Variants in PRELID2 observed in about 807,000 individuals in gnomAD.
The protein encoded by PRELID2 is PRELI domain containing 2.
Under a neutral mutation model 28.4 loss-of-function variants are expected in PRELID2, and 25 were observed. That is an observed-to-expected ratio of 0.88 (90% CI 0.64 to 1.23). The LOEUF is 1.23. PRELID2 is among the 50% of genes most tolerant of loss of function. The pLI is 0.00. For synonymous variants in PRELID2, 76 were observed against 71.6 expected (o/e 1.06, Z -0.31); for missense variants, 201 against 214.4 (o/e 0.94, Z 0.39).
chr5:145,818,626 A>G (rs1308920107), intron 3 of PRELID2, among the ~76,000 whole-genome samples: 1 of 152,210 alleles, frequency 6.6e-6, no homozygotes, highest in Non-Finnish European at 1.5e-5. Context: ...GGCAGGGTAC[A>G]CACTCTGGAA....
the PRELID2 span, among the ~76,000 whole-genome samples, chr5:145,371,436 C>T: frequency 6.6e-6 from 1 of 152,108 alleles, no homozygotes; most frequent in Non-Finnish European, 1.5e-5. Context: ...GTATGTTGAA[C>T]CAGGCTTGCA....
chr5:145,797,396 G>A (rs947001181), intron 4 of PRELID2, among the ~76,000 whole-genome samples: 16 of 152,070 alleles, frequency 1.1e-4, no homozygotes, highest in Non-Finnish European at 1.5e-5. Flanking sequence ...ATAGTGTAAC[G>A]CAATCAAGAA....
At chr5:145,397,593 C>T in the PRELID2 span, among the ~76,000 whole-genome samples, 1 of 152,202 alleles carries the variant, frequency 6.6e-6, no homozygotes, top group African/African-American at 2.4e-5. Context: ...CTGCAAAATG[C>T]ATCATTCTGC....
the PRELID2 span, among the ~76,000 whole-genome samples, chr5:145,404,917 G>A: frequency 1.2e-4 from 19 of 152,240 alleles, no homozygotes; most frequent in East Asian, 2.1e-3. Flanking sequence ...GCTCTGGGGG[G>A]ATACAGAGTG....
the PRELID2 span, among the ~76,000 whole-genome samples, chr5:145,450,108 G>A: frequency 6.6e-6 from 1 of 152,262 alleles, no homozygotes; most frequent in East Asian, 1.9e-4. Context: ...AAAGAACATG[G>A]AAACCTAATA....
At chr5:145,740,607 T>TAA in intron 1 of PRELID2, among the ~76,000 whole-genome samples, 1 of 9,852 alleles carries the variant, frequency 1.0e-4, no homozygotes, top group Non-Finnish European at 5.9e-4. Flanking sequence ...ATATATATTA[T>TAA]ATATATAAAT....
the PRELID2 span, among the ~76,000 whole-genome samples, chr5:145,402,345 T>C: frequency 1.3e-5 from 2 of 152,186 alleles, no homozygotes; most frequent in Non-Finnish European, 2.9e-5. Flanking sequence ...TAAGCAGAGA[T>C]ACTTAAGCAC....
the PRELID2 span, among the ~76,000 whole-genome samples, chr5:145,451,506 TAGACAACTTCAGGGC>T: frequency 2.6e-5 from 4 of 152,180 alleles, no homozygotes; most frequent in Non-Finnish European, 5.9e-5. Flanking sequence ...CTTTTTAAAC[TAGACAACTTCAGGGC>T]AGAGATCGCG....
intron 1 of PRELID2, among the ~76,000 whole-genome samples, chr5:145,521,577 T>C (rs1175127720): frequency 6.6e-6 from 1 of 152,090 alleles, no homozygotes; most frequent in Non-Finnish European, 1.5e-5. Flanking sequence ...ATATATATTA[T>C]ACATATATAT....
chr5:145,659,716 C>A (rs1157953200), intron 1 of PRELID2, among the ~76,000 whole-genome samples: 1 of 152,164 alleles, frequency 6.6e-6, no homozygotes, highest in Non-Finnish European at 1.5e-5. Context: ...TGGCCTCTGG[C>A]CACCCAGCCT....
intron 2 of PRELID2, among the ~76,000 whole-genome samples, chr5:145,822,796 A>G (rs1376418533): frequency 1.3e-5 from 2 of 152,206 alleles, no homozygotes; most frequent in Admixed American, 6.6e-5. Context: ...AGCAGTTACA[A>G]TTATATATAG....
intron 4 of PRELID2, among the ~76,000 whole-genome samples, chr5:145,813,447 T>C (rs1754085302): frequency 6.6e-6 from 1 of 152,210 alleles, no homozygotes; most frequent in Non-Finnish European, 1.5e-5. Flanking sequence ...AACCTTTTTG[T>C]GGCTGCTTGT....
intron 1 of PRELID2, among the ~76,000 whole-genome samples, chr5:145,708,187 C>T (rs1296939555): frequency 6.6e-6 from 1 of 151,984 alleles, no homozygotes; most frequent in African/African-American, 2.4e-5. Context: ...TGGAACATCC[C>T]TGTTTTATAT....
intron 1 of PRELID2, among the ~76,000 whole-genome samples, chr5:145,664,887 G>A (rs1222054501): frequency 6.6e-6 from 1 of 152,100 alleles, no homozygotes; most frequent in East Asian, 1.9e-4. Context: ...CCAAGGAGCT[G>A]TCAGAAACTG....
chr5:145,597,221 T>A (rs2149635203), intron 1 of PRELID2, among the ~76,000 whole-genome samples: 1 of 152,304 alleles, frequency 6.6e-6, no homozygotes, highest in South Asian at 2.1e-4. Flanking sequence ...GGAAATAAAT[T>A]ATCCTATGTA....
chr5:145,368,214 A>G, the PRELID2 span, among the ~76,000 whole-genome samples: 2 of 152,026 alleles, frequency 1.3e-5, no homozygotes, highest in Admixed American at 1.3e-4. Flanking sequence ...CCTAGAATGT[A>G]CATGGCACTA....
At chr5:145,644,216 C>T (rs184851636) in intron 1 of PRELID2, among the ~76,000 whole-genome samples, 9 of 152,082 alleles carry the variant, frequency 5.9e-5, no homozygotes, top group African/African-American at 7.2e-5. Flanking sequence ...ATTAAGGATT[C>T]GACTCCTTCC....
the PRELID2 span, among the ~76,000 whole-genome samples, chr5:145,297,724 C>T: frequency 3.9e-5 from 6 of 151,990 alleles, no homozygotes; most frequent in East Asian, 3.9e-4. Context: ...AAAACTCCAT[C>T]GTCTCAGCCC....
the PRELID2 span, among the ~76,000 whole-genome samples, chr5:145,352,564 G>A: frequency 9.2e-5 from 14 of 152,172 alleles, no homozygotes; most frequent in Non-Finnish European, 1.5e-4. Flanking sequence ...GGCTGCTGTG[G>A]AGGTTTCTGA....
Sources: allele counts gnomAD v4.1 joint callset (sites outside exome capture counted in the v4.1 genomes callset), GRCh38; gene constraint gnomAD v4.1.1; transcripts MANE v1.5; gene names NCBI Gene and HGNC (gene_info 2026-07-23, HGNC 2026-07-21).